CTNNA3: variants seen among roughly 807,000 people sequenced by gnomAD.
The protein encoded by CTNNA3 is catenin alpha-3.
CTNNA3 carries 76 observed loss-of-function variants against 95.7 expected under a neutral mutation model. That is an observed-to-expected ratio of 0.79 (90% CI 0.66 to 0.96). CTNNA3 has a LOEUF of 0.96. Ranked by LOEUF, CTNNA3 falls within the 40% of genes least tolerant of loss-of-function variation. The pLI is 0.00. For missense variants in CTNNA3, 1,191 were observed against 1,089.8 expected (o/e 1.09, Z -1.31); for synonymous variants, 431 against 374.4 (o/e 1.15, Z -1.74).
At chr10:66,339,863 G>A (rs2092435782) in intron 12 of CTNNA3, among the ~76,000 whole-genome samples, 1 of 151,622 alleles carries the variant, frequency 6.6e-6, no homozygotes, top group Non-Finnish European at 1.5e-5. Context: ...ATTCTTTATT[G>A]TCAGATTTCT....
intron 5 of CTNNA3, among the ~76,000 whole-genome samples, chr10:67,339,004 T>A (rs1234741975): frequency 2.0e-5 from 3 of 152,174 alleles, no homozygotes; most frequent in African/African-American, 7.2e-5. Flanking sequence ...CTCAGCTGCC[T>A]CAATAAATTA....
intron 15 of CTNNA3, among the ~76,000 whole-genome samples, chr10:66,000,362 C>G (rs559392669): frequency 6.6e-6 from 1 of 152,204 alleles, no homozygotes; most frequent in East Asian, 1.9e-4. Context: ...TACAGGTGAT[C>G]AGAAACAGGT....
chr10:66,426,583 T>C (rs1164204613), intron 11 of CTNNA3, among the ~76,000 whole-genome samples: 7 of 152,068 alleles, frequency 4.6e-5, no homozygotes, highest in Non-Finnish European at 1.0e-4. Flanking sequence ...TTAATTGCTT[T>C]GTTCTTAAGA....
At chr10:66,798,001 A>C (rs1841279074) in intron 7 of CTNNA3, among the ~76,000 whole-genome samples, 2 of 151,828 alleles carry the variant, frequency 1.3e-5, no homozygotes, top group Non-Finnish European at 2.9e-5. Flanking sequence ...ACAATATCTT[A>C]CCACAAGGAG....
At chr10:67,536,052 C>T (rs1465976281) in intron 4 of CTNNA3, among the ~76,000 whole-genome samples, 5 of 152,004 alleles carry the variant, frequency 3.3e-5, no homozygotes, top group African/African-American at 4.8e-5. Context: ...CAGTTCTGCT[C>T]ACCATGTCGA....
intron 1 of CTNNA3, among the ~76,000 whole-genome samples, chr10:67,667,872 T>C (rs754073285): frequency 2.6e-4 from 39 of 152,314 alleles, no homozygotes; most frequent in Middle Eastern, 3.4e-3. Context: ...ATAAAATAGA[T>C]ACCTGGGCTT....
chr10:67,113,422 C>T (rs375336825), intron 7 of CTNNA3, among the ~76,000 whole-genome samples: 21 of 152,202 alleles, frequency 1.4e-4, no homozygotes, highest in East Asian at 1.4e-3. Flanking sequence ...TCACACAGCA[C>T]GCCACTCTTC....
chr10:66,156,042 A>G (rs765083617), intron 13 of CTNNA3, among the ~76,000 whole-genome samples: 2 of 152,006 alleles, frequency 1.3e-5, no homozygotes, highest in Admixed American at 1.3e-4. Flanking sequence ...TTAATTAGTT[A>G]TCAAATTAAA....
intron 12 of CTNNA3, among the ~76,000 whole-genome samples, chr10:66,289,735 A>G (rs1310845752): frequency 2.6e-5 from 4 of 152,094 alleles, no homozygotes; most frequent in Non-Finnish European, 5.9e-5. Flanking sequence ...GTTGGTTTAC[A>G]GACACTATTT....
rs1392461154 is a variant in CTNNA3, at chr10:67,218,171, G to A, written c.843+1436C>T. Among the ~76,000 whole-genome samples the A allele has an allele frequency of 7.9e-5, 12 of 152,166 alleles. No homozygotes were observed. The East Asian group carries it at 9.7e-4, about 12-fold the overall frequency. ...ATTTCAGATAAGGGATGCTCAACCC[G>A]TATGATCCTATCTATCTACTCTAAC... On this transcript the variant is annotated intron_variant, in intron 6 of 17. Coordinates refer to ENST00000433211, the MANE Select transcript of CTNNA3 (RefSeq NM_013266.4).
intron 9 of CTNNA3, among the ~76,000 whole-genome samples, chr10:66,691,293 C>A (rs2132537212): frequency 6.6e-6 from 1 of 152,302 alleles, no homozygotes; most frequent in East Asian, 1.9e-4. Flanking sequence ...AAAAACGGCG[C>A]ACCAGGAGAT....
intron 4 of CTNNA3, among the ~76,000 whole-genome samples, chr10:67,537,740 C>A (rs1840530023): frequency 6.6e-6 from 1 of 152,092 alleles, no homozygotes; most frequent in South Asian, 2.1e-4. Context: ...CTAGGAATTA[C>A]CTGCCACTTA....
intron 7 of CTNNA3, among the ~76,000 whole-genome samples, chr10:66,820,140 TA>T (rs1183222117): frequency 6.6e-6 from 1 of 151,814 alleles, no homozygotes; most frequent in African/African-American, 2.4e-5. Flanking sequence ...TCATACAATA[TA>T]ATATTATTCC....
At chr10:66,182,236 A>G (rs1037161907) in intron 13 of CTNNA3, among the ~76,000 whole-genome samples, 10 of 149,034 alleles carry the variant, frequency 6.7e-5, no homozygotes, top group Non-Finnish European at 7.4e-5. Flanking sequence ...ATGCTCATAC[A>G]TTTGCTTGTG....
chr10:66,291,026 A>G (rs2091672377), intron 12 of CTNNA3, among the ~76,000 whole-genome samples: 2 of 152,158 alleles, frequency 1.3e-5, no homozygotes, highest in South Asian at 4.1e-4. Context: ...GACAGTGTCC[A>G]TCATAATATC....
chr10:66,256,549 G>A (rs371892632), intron 13 of CTNNA3, among the ~76,000 whole-genome samples: 2 of 151,890 alleles, frequency 1.3e-5, no homozygotes, highest in South Asian at 2.1e-4. Flanking sequence ...GAGAAACCCC[G>A]TCTCTACTAA....
At chr10:67,230,859 C>A (rs75665291) in intron 5 of CTNNA3, among the ~76,000 whole-genome samples, 1 of 152,176 alleles carries the variant, frequency 6.6e-6, no homozygotes, top group Non-Finnish European at 1.5e-5. Flanking sequence ...TTGCCTCACT[C>A]GGGAAGCGCA....
chr10:67,336,062 C>A (rs1347111926), intron 5 of CTNNA3, among the ~76,000 whole-genome samples: 2 of 151,990 alleles, frequency 1.3e-5, no homozygotes, highest in African/African-American at 4.8e-5. Flanking sequence ...ATGTTACCAT[C>A]GTAATTGTTG....
At chr10:67,677,067 C>T (rs1304407786) in intron 1 of CTNNA3, among the ~76,000 whole-genome samples, 2 of 152,148 alleles carry the variant, frequency 1.3e-5, no homozygotes, top group Non-Finnish European at 2.9e-5. Flanking sequence ...TGTTTGAAGG[C>T]TCCCAGATTC....
Sources: allele counts gnomAD v4.1 joint callset (sites outside exome capture counted in the v4.1 genomes callset), GRCh38; gene constraint gnomAD v4.1.1; transcripts MANE v1.5; gene names NCBI Gene and HGNC (gene_info 2026-07-23, HGNC 2026-07-21).